The following PPARA variants were observed in gnomAD, a reference collection of about 807,000 sequenced individuals.
The protein encoded by PPARA is peroxisome proliferator activated receptor alpha, also known as peroxisome proliferator-activated receptor alpha.
PPARA carries 22 observed loss-of-function variants against 42.2 expected under a neutral mutation model. The ratio of observed to expected loss-of-function variants is 0.52; its 90% confidence interval spans 0.37 to 0.74. PPARA has a LOEUF of 0.74. Ranked by LOEUF, PPARA falls within the 30% of genes least tolerant of loss-of-function variation. PPARA has a pLI of 0.00. For synonymous variants in PPARA, 242 were observed against 239.3 expected (o/e 1.01, Z -0.10); for missense variants, 465 against 608.2 (o/e 0.76, Z 2.48).
Position 46,198,715 on chromosome 22 carries a change from C to CAATA in PPARA, c.208+127_208+128insAAAT, listed in dbSNP as rs1240973614. Reference sequence around the variant, plus strand: ...TCGCTCTGTCGCCCAGGCTGGAGTGCAATGGCTCGATCTCGGCTCACTGCA... The same window carrying CAATA: ...TCGCTCTGTCGCCCAGGCTGGAGTGCAATAAATGGCTCGATCTCGGCTCACTGCA... On this transcript the variant is annotated intron_variant, in intron 4 of 8. Transcript: ENST00000407236. The CAATA allele has an allele frequency of 4.0e-6, 4 of 990,378 alleles. No homozygotes were observed. The Admixed American group carries it at 9.4e-5, about 23-fold the overall frequency. The allele number at this position is 990,378 out of a possible 1,614,324, so 61.3% of individuals were successfully genotyped here.
At position 46,180,148 on chromosome 22, in the gene PPARA, G is replaced by C. The variant is rs914599762; in HGVS notation, c.-43+3312G>C. Reference sequence around the variant, plus strand: ...ACTAGAACTCTCATCTTTGCTGACAGGAAGGTAAAATGATACAAACACATT... The same window carrying C: ...ACTAGAACTCTCATCTTTGCTGACACGAAGGTAAAATGATACAAACACATT... On this transcript the variant is annotated intron_variant, in intron 3 of 8. Transcript: ENST00000407236. The surrounding 1 kb of genome is among the most constrained non-coding windows in gnomAD (Gnocchi z 4.2). Among the ~76,000 whole-genome samples, 1 of 151,434 alleles carries C rather than the reference G, an allele frequency of 6.6e-6. No homozygotes were observed. Among genetic ancestry groups the C allele is most frequent in the Non-Finnish European group, 1.5e-5 (1 of 67,976 alleles).
At chr22:46,207,671 A>G (rs868515411) in intron 4 of PPARA, among the ~76,000 whole-genome samples, 2 of 74,434 alleles carry the variant, frequency 2.7e-5, no homozygotes, top group African/African-American at 1.1e-4. Flanking sequence ...TATTATTATT[A>G]TTATTATTTT....
Position 46,219,751 on chromosome 22 carries a change from G to T in PPARA, c.509-61G>T. The T allele has an allele frequency of 1.9e-6, 3 of 1,555,182 alleles. No homozygotes were observed. Among genetic ancestry groups the T allele is most frequent in the Non-Finnish European group, 2.7e-6 (3 of 1,127,732 alleles). On this transcript the variant is annotated intron_variant, in intron 6 of 8. Coordinates refer to ENST00000407236, the MANE Select transcript of PPARA (RefSeq NM_005036.6). The surrounding 1 kb of genome is among the most constrained non-coding windows in gnomAD (Gnocchi z 4.8). ...AAGTCCTGGGGGAGCCCCTCGTCCA[G>T]CCCTGTCCGCGCAGTCATGACCTCA...
chr22:46,168,140 C>T (rs1601624048), intron 2 of PPARA, among the ~76,000 whole-genome samples: 1 of 151,714 alleles, frequency 6.6e-6, no homozygotes, highest in Non-Finnish European at 1.5e-5. Flanking sequence ...ATCACAAGGG[C>T]AGGAGATGAA....
chr22:46,157,178 G>A (rs920783390), intron 2 of PPARA, among the ~76,000 whole-genome samples: 2 of 152,166 alleles, frequency 1.3e-5, no homozygotes, highest in African/African-American at 4.8e-5. Context: ...TTTCTGCCCC[G>A]CTAGCCGTGT....
In PPARA at chr22:46,196,049, T is replaced by A. The variant is rs991184238; in HGVS notation, c.-42-2293T>A. Among the ~76,000 whole-genome samples the A allele has an allele frequency of 1.3e-5, 2 of 152,142 alleles. No homozygotes were observed. The highest frequency in any genetic ancestry group is 4.8e-5 in the African/African-American group (2 of 41,436). ...AAGCAATTCTCAGCGCTGCTGCGTT[T>A]CCAGGAGGTAGAAGAACAGTGACAA... is the stretch of plus-strand genomic sequence containing the variant. On this transcript the variant is annotated intron_variant, in intron 3 of 8. Coordinates refer to ENST00000407236, the MANE Select transcript of PPARA (RefSeq NM_005036.6). The surrounding 1 kb of genome is among the most constrained non-coding windows in gnomAD (Gnocchi z 5.6).
Position 46,242,680 on chromosome 22 carries a change from CAAAG to C in PPARA, c.*7301_*7304del, listed in dbSNP as rs1470045575. ...CTGGCTCTTGACCCTATTGGAAACA[CAAAG>C]GAAGCTGAAATCAAACATCTAAAAT... On this transcript the variant is annotated 3_prime_UTR_variant, in exon 9 of 9. Coordinates refer to ENST00000407236, the MANE Select transcript of PPARA (RefSeq NM_005036.6). The surrounding 1 kb of genome is among the most constrained non-coding windows in gnomAD (Gnocchi z 6.1). The C allele has an allele frequency of 6.6e-6, 1 of 152,216 alleles. No homozygotes were observed. The highest frequency in any genetic ancestry group is 2.4e-5 in the African/African-American group (1 of 41,378). The allele number at this position is 152,216 out of a possible 1,614,324, so 9.4% of individuals were successfully genotyped here.
Position 46,185,916 on chromosome 22 carries a change from AATATATATATATATATATATATATAT to A in PPARA, c.-43+9104_-43+9129del, listed in dbSNP as rs59733161. The stretch of plus-strand genomic sequence containing the variant: ...TCTCCAAAAAAAAAAAAAAAAAAAA[AATATATATATATATATATATATATAT>A]ATATATATATATATATATATATACA... On this transcript the variant is annotated intron_variant, in intron 3 of 8. Transcript: ENST00000407236. 3.2e-4 allele frequency among the ~76,000 whole-genome samples: 8 copies of A among 25,310 alleles called. 1 individual carries two copies. Among genetic ancestry groups the A allele is most frequent in the Non-Finnish European group, 4.4e-4 (7 of 16,090 alleles). 16.6% of individuals were successfully genotyped at this position (25,310 alleles called of 152,430 possible). A position where few individuals can be genotyped will look rare whatever the true frequency, so the allele number is the denominator to read the frequency against.
chr22:46,179,437 CAG>C (rs2147252339), intron 3 of PPARA, among the ~76,000 whole-genome samples: 1 of 152,222 alleles, frequency 6.6e-6, no homozygotes, highest in Admixed American at 6.5e-5. Context: ...TGGATTTTGA[CAG>C]AGGTGCAAAG....
chr22:46,162,324 A>G lies in PPARA; in HGVS notation c.-127+10354A>G, dbSNP rs1180636747. On this transcript the variant is annotated intron_variant, in intron 2 of 8. Transcript: ENST00000407236. This position sits in a 1 kb window ranked among gnomAD's most constrained non-coding sequence, Gnocchi z 6.0. ...TGGGATGAGAGGTTGATAGGAGGGC[A>G]TGGCCCTGACATTCCAGGGACTGAC... Among the ~76,000 whole-genome samples the G allele has an allele frequency of 6.6e-6, 1 of 152,184 alleles. No homozygotes were observed. Among genetic ancestry groups the G allele is most frequent in the Non-Finnish European group, 1.5e-5 (1 of 68,038 alleles).
chr22:46,198,870 A>G (rs1356143510), intron 4 of PPARA, among the ~76,000 whole-genome samples: 1 of 152,086 alleles, frequency 6.6e-6, no homozygotes, highest in Non-Finnish European at 1.5e-5. Flanking sequence ...TGTGTTAGCC[A>G]GGATGGTCTC....
rs34716781 is a variant in PPARA at position 46,224,971 on chromosome 22, TG to T, written c.711+4966del. On this transcript the variant is annotated intron_variant, in intron 7 of 8. Transcript: ENST00000407236. The surrounding 1 kb of genome is among the most constrained non-coding windows in gnomAD (Gnocchi z 5.7). ...GCTGAGCTGGAACAGGCTAGAATGC[TG>T]GGGGGGGGCCTGAAACCGGTGGGGG... 0.91 allele frequency among the ~76,000 whole-genome samples: 126,611 copies of T among 139,858 alleles called. 57,346 individuals are homozygous for T. The highest frequency in any genetic ancestry group is 1 in the East Asian group (4,651 of 4,658). The allele number at this position is 139,858 out of a possible 152,430, so 91.8% of individuals were successfully genotyped here.
intron 7 of PPARA, among the ~76,000 whole-genome samples, chr22:46,226,975 T>C (rs2147658131): frequency 6.6e-6 from 1 of 152,228 alleles, no homozygotes; most frequent in East Asian, 1.9e-4. Context: ...AACATTATTC[T>C]TAACATTTCA....
At chr22:46,213,403 C>CTTT (rs61615727) in intron 4 of PPARA, among the ~76,000 whole-genome samples, 7 of 134,854 alleles carry the variant, frequency 5.2e-5, no homozygotes, top group African/African-American at 1.9e-4. Context: ...CATTTTCTTT[C>CTTT]TTTTTTTTTT....
Position 46,177,709 on chromosome 22 carries a change from C to G in PPARA, c.-43+873C>G, listed in dbSNP as rs1177621758. Reference sequence around the variant, plus strand: ...CAGGCATGTACCCGATGAGACAGATCAGAACCTCAGGCGTGTACCCGGTGA... The same window carrying G: ...CAGGCATGTACCCGATGAGACAGATGAGAACCTCAGGCGTGTACCCGGTGA... On this transcript the variant is annotated intron_variant, in intron 3 of 8. Transcript: ENST00000407236. 2.6e-5 allele frequency among the ~76,000 whole-genome samples: 4 copies of G among 151,716 alleles called. No individual in the cohort carries two copies. The East Asian group carries it at 7.8e-4, about 30-fold the overall frequency.
chr22:46,191,008 A>G lies in PPARA; in HGVS notation c.-42-7334A>G, dbSNP rs1213324159. The stretch of plus-strand genomic sequence containing the variant: ...GTGTTCAAAACCAGCCTGGCCAAAC[A>G]TGGTGAAACCACATCTCTACTAAAT... On this transcript the variant is annotated intron_variant, in intron 3 of 8. Transcript: ENST00000407236. The surrounding 1 kb of genome is among the most constrained non-coding windows in gnomAD (Gnocchi z 4.6). Among the ~76,000 whole-genome samples the G allele has an allele frequency of 6.6e-6, 1 of 152,116 alleles. No individual in the cohort carries two copies.
Position 46,193,649 on chromosome 22 carries a change from T to C in PPARA, c.-42-4693T>C, listed in dbSNP as rs1267164003. The stretch of plus-strand genomic sequence containing the variant: ...GGAAAGAAAATTATGAATTTAGAAA[T>C]GTAAAAGGTCTCAGGTAAGGAAGGA... On this transcript the variant is annotated intron_variant, in intron 3 of 8. Transcript: ENST00000407236. This position sits in a 1 kb window ranked among gnomAD's most constrained non-coding sequence, Gnocchi z 5.3. 2.0e-5 allele frequency among the ~76,000 whole-genome samples: 3 copies of C among 151,880 alleles called. No homozygotes were observed. Among genetic ancestry groups the C allele is most frequent in the Non-Finnish European group, 4.4e-5 (3 of 67,924 alleles).
Position 46,200,923 on chromosome 22 carries a change from CA to C in PPARA, c.208+2340del, listed in dbSNP as rs373517496. Among the ~76,000 whole-genome samples, 16 of 144,916 alleles carry C rather than the reference CA, an allele frequency of 1.1e-4. No homozygotes were observed. Among genetic ancestry groups the C allele is most frequent in the South Asian group, 6.6e-4 (3 of 4,568 alleles). ...TGGGCGACAGGGTGAGACTCCATCTCAAAAAAAAGTTGGGGCGTGGTGGCTC... is the reference window on the plus strand; with the variant it reads ...TGGGCGACAGGGTGAGACTCCATCTCAAAAAAAGTTGGGGCGTGGTGGCTC... On this transcript the variant is annotated intron_variant, in intron 4 of 8. Transcript: ENST00000407236. This position sits in a 1 kb window ranked among gnomAD's most constrained non-coding sequence, Gnocchi z 4.8.
In PPARA at chr22:46,193,213, C is replaced by T. The variant is rs879750454; in HGVS notation, c.-42-5129C>T. Among the ~76,000 whole-genome samples the T allele has an allele frequency of 7.2e-5, 11 of 152,048 alleles. No individual in the cohort carries two copies. Among genetic ancestry groups the T allele is most frequent in the South Asian group, 4.2e-4 (2 of 4,814 alleles). Reference sequence around the variant, plus strand: ...TCCCAAATAGCTGGGATTATGGGCACGCGCCACCACACCTGGCTAATGTTT... The same window carrying T: ...TCCCAAATAGCTGGGATTATGGGCATGCGCCACCACACCTGGCTAATGTTT... On this transcript the variant is annotated intron_variant, in intron 3 of 8. Transcript: ENST00000407236. The surrounding 1 kb of genome is among the most constrained non-coding windows in gnomAD (Gnocchi z 5.3).
Sources: allele counts gnomAD v4.1 joint callset (sites outside exome capture counted in the v4.1 genomes callset), GRCh38; gene constraint gnomAD v4.1.1; non-coding constraint Gnocchi (gnomAD v3.1); transcripts MANE v1.5; gene names NCBI Gene and HGNC (gene_info 2026-07-23, HGNC 2026-07-21).